The following NRG2 variants were observed in gnomAD, a reference collection of about 807,000 sequenced individuals.
NRG2 encodes neuregulin 2.
NRG2 carries 27 observed loss-of-function variants against 73.9 expected under a neutral mutation model. The ratio of observed to expected loss-of-function variants is 0.37; its 90% confidence interval spans 0.27 to 0.50. The LOEUF is 0.50. Among genes scored for constraint, NRG2 ranks in the 20% least tolerant of loss-of-function variants. The probability of loss-of-function intolerance (pLI) is 0.96; values close to 1 mark genes in which losing one functional copy is unlikely to be tolerated. For synonymous variants in NRG2, 532 were observed against 541.0 expected (o/e 0.98, Z 0.23); for missense variants, 1,126 against 1,210.1 (o/e 0.93, Z 1.03).
intron 1 of NRG2, among the ~76,000 whole-genome samples, chr5:140,041,686 G>C (rs957150886): frequency 8.5e-6 from 1 of 118,202 alleles, no homozygotes; most frequent in Non-Finnish European, 1.8e-5. Context: ...AAAAAAAAAA[G>C]GTGTCTGCTT....
At chr5:139,935,550 T>C (rs1752783145) in intron 1 of NRG2, among the ~76,000 whole-genome samples, 1 of 152,112 alleles carries the variant, frequency 6.6e-6, no homozygotes, top group Admixed American at 6.5e-5. Context: ...TAGAAATCAA[T>C]AACAAAAAGA....
intron 3 of NRG2, among the ~76,000 whole-genome samples, chr5:139,877,680 T>G (rs368704160): frequency 4.9e-4 from 75 of 152,240 alleles, no homozygotes; most frequent in African/African-American, 1.7e-3. Flanking sequence ...GTGGTATGTG[T>G]TTGTGTGTGT....
rs771120182 is a variant in NRG2 at position 139,887,476 on chromosome 5, T to C, written c.736A>G (p.Thr246Ala). Residue 246 changes from threonine to alanine, a missense_variant, in exon 2 of 10, where the codon ACG (threonine) becomes GCG (alanine). Thr to Ala is a moderately conservative substitution (Grantham distance 58). Coordinates refer to ENST00000361474, the MANE Select transcript of NRG2 (RefSeq NM_004883.3). The surrounding 1 kb of genome is among the most constrained non-coding windows in gnomAD (Gnocchi z 4.5). ...GATTGCTTCTCACCCACCTGTCCCG[T>C]CTGGCTCTTCATCTTCTTCAACTTG... The part of the protein sequence containing the change: ...RPKLKKMKSQ[T>A]GQVGEKQSLK... 1.2e-6 allele frequency: 2 copies of C among 1,614,174 alleles called. No homozygotes were observed. The highest frequency in any genetic ancestry group is 1.7e-5 in the Admixed American group (1 of 60,014).
intron 1 of NRG2, among the ~76,000 whole-genome samples, chr5:139,922,071 A>C (rs1751708832): frequency 2.3e-5 from 2 of 85,476 alleles, no homozygotes; most frequent in Non-Finnish European, 4.7e-5. Context: ...ATTCTGTCTC[A>C]AAAAAAAAAA....
intron 1 of NRG2, among the ~76,000 whole-genome samples, chr5:140,001,084 G>A (rs1758431832): frequency 6.6e-6 from 1 of 152,148 alleles, no homozygotes; most frequent in Non-Finnish European, 1.5e-5. Context: ...GAAGAGACCT[G>A]TGACACGAAG....
intron 2 of NRG2, among the ~76,000 whole-genome samples, chr5:139,886,026 AGAGC>A (rs1257021390): frequency 6.6e-6 from 1 of 152,294 alleles, no homozygotes; most frequent in East Asian, 1.9e-4. Flanking sequence ...GTGGGCAGCC[AGAGC>A]TTCTTGCCAA....
At chr5:139,876,953 G>GTC (rs1478511061) in intron 3 of NRG2, among the ~76,000 whole-genome samples, 1 of 151,640 alleles carries the variant, frequency 6.6e-6, no homozygotes, top group Non-Finnish European at 1.5e-5. Flanking sequence ...GTGTGTGTGT[G>GTC]TGTGTGTGTG....
intron 1 of NRG2, among the ~76,000 whole-genome samples, chr5:139,982,913 A>G (rs989794221): frequency 1.3e-5 from 2 of 151,418 alleles, no homozygotes; most frequent in African/African-American, 2.4e-5. Flanking sequence ...TCCATCCCAC[A>G]CTCCTGCAGT....
At chr5:140,033,387 C>T (rs888777275) in intron 1 of NRG2, among the ~76,000 whole-genome samples, 1 of 152,208 alleles carries the variant, frequency 6.6e-6, no homozygotes, top group African/African-American at 2.4e-5. Context: ...TTCACCCCAC[C>T]AGTATGATGG....
intron 1 of NRG2, among the ~76,000 whole-genome samples, chr5:139,997,769 C>T (rs975467889): frequency 6.6e-6 from 1 of 152,220 alleles, no homozygotes; most frequent in Admixed American, 6.5e-5. Flanking sequence ...GTGAATCCTG[C>T]TTATCAAGAA....
chr5:139,902,159 ACCGCTG>A (rs1016172281), intron 1 of NRG2, among the ~76,000 whole-genome samples: 1 of 152,178 alleles, frequency 6.6e-6, no homozygotes, highest in Non-Finnish European at 1.5e-5. Context: ...CACCCCCAGC[ACCGCTG>A]CCAAGGCTGG....
In NRG2 at chr5:139,865,606, C is replaced by T. The variant is rs1327096815; in HGVS notation, c.1132G>A (p.Gly378Arg). Residue 378 changes from glycine to arginine, a missense_variant, in exon 5 of 10, where the codon GGA becomes AGA. By Grantham distance (125) the Gly-to-Arg change is moderately radical. Transcript: ENST00000361474. This position sits in a 1 kb window ranked among gnomAD's most constrained non-coding sequence, Gnocchi z 5.2. ...LSCKCPNGFFGQRCLEKLPLR... is the reference protein window; with the variant it reads ...LSCKCPNGFFRQRCLEKLPLR... ...GGCAGTTTCTCCAAACATCTCTGTC[C>T]GAAGAATCCATTTGGACATCTGGAG... The T allele has an allele frequency of 1.2e-6, 2 of 1,608,908 alleles. No homozygotes were observed. The highest frequency in any genetic ancestry group is 1.7e-6 in the Non-Finnish European group (2 of 1,178,754).
intron 1 of NRG2, among the ~76,000 whole-genome samples, chr5:140,021,364 T>C (rs1229435405): frequency 6.6e-6 from 1 of 152,238 alleles, no homozygotes; most frequent in African/African-American, 2.4e-5. Flanking sequence ...GCAGGTCCAA[T>C]GAAAAATTCC....
intron 1 of NRG2, among the ~76,000 whole-genome samples, chr5:139,998,000 C>A (rs760997417): frequency 6.6e-6 from 1 of 152,190 alleles, no homozygotes; most frequent in Non-Finnish European, 1.5e-5. Context: ...GTACGTGGGG[C>A]CTGGGTCCTC....
rs900385751 is a variant in NRG2, at chr5:139,894,934, A to G, written c.701-7423T>C. Among the ~76,000 whole-genome samples the G allele has an allele frequency of 6.6e-6, 1 of 152,162 alleles. No homozygotes were observed. The highest frequency in any genetic ancestry group is 2.4e-5 in the African/African-American group (1 of 41,408). On this transcript the variant is annotated intron_variant, in intron 1 of 9. Transcript: ENST00000361474. The surrounding 1 kb of genome is among the most constrained non-coding windows in gnomAD (Gnocchi z 5.0). ...CTGGCATCTCAGCTGCAAGGTAGAG[A>G]AGAGGGGCCAGGCCAGCTGGGATGA... is the stretch of plus-strand genomic sequence containing the variant.
In NRG2 at chr5:139,904,392, C is replaced by T. The variant is rs532275178; in HGVS notation, c.701-16881G>A. 9.0e-6 allele frequency: 14 copies of T among 1,553,732 alleles called. No individual in the cohort carries two copies. The African/African-American group carries it at 1.5e-4, about 17-fold the overall frequency. ...GGCCGCGGCCCCTCCTCCTGGACTC[C>T]GACATTCTGCACGGGGTCCCAGGCG... is the stretch of plus-strand genomic sequence containing the variant. On this transcript the variant is annotated intron_variant, in intron 1 of 9. Transcript: ENST00000361474. This position sits in a 1 kb window ranked among gnomAD's most constrained non-coding sequence, Gnocchi z 6.0.
intron 1 of NRG2, among the ~76,000 whole-genome samples, chr5:139,973,800 C>CA (rs1376147002): frequency 1.3e-5 from 2 of 152,202 alleles, no homozygotes; most frequent in Admixed American, 1.3e-4. Context: ...GGTTCGTAGA[C>CA]AGCTGTCGTG....
rs906625447 is a variant in NRG2 at position 139,921,433 on chromosome 5, T to C, written c.701-33922A>G. Among the ~76,000 whole-genome samples, 3 of 152,062 alleles carry C rather than the reference T, an allele frequency of 2.0e-5. No individual in the cohort carries two copies. In the East Asian group the frequency reaches 5.8e-4, roughly 29 times the overall value. ...TAGAACAGAACGGAGAGCCCAGAAA[T>C]AGACCCACATAAATATAGTCAACTG... On this transcript the variant is annotated intron_variant, in intron 1 of 9. Coordinates refer to ENST00000361474, the MANE Select transcript of NRG2 (RefSeq NM_004883.3).
chr5:139,906,828 C>T (rs542508694), intron 1 of NRG2, among the ~76,000 whole-genome samples: 22 of 152,320 alleles, frequency 1.4e-4, no homozygotes, highest in African/African-American at 5.1e-4. Flanking sequence ...AGGCTTTCCC[C>T]AGGAAACACT....
Sources: gnomAD v4.1 joint callset for allele counts (sites outside exome capture counted in the v4.1 genomes callset) on GRCh38, gnomAD v4.1.1 for gene constraint, Gnocchi (gnomAD v3.1) non-coding constraint, MANE v1.5 for transcripts, NCBI Gene and HGNC (gene_info 2026-07-23, HGNC 2026-07-21) for gene names.